Variants in UGGT1 observed in about 807,000 individuals in gnomAD.
UGGT1 encodes UDP-glucose:glycoprotein glucosyltransferase 1.
Under a neutral mutation model 203.9 loss-of-function variants are expected in UGGT1, and 107 were observed. The ratio of observed to expected loss-of-function variants is 0.52; its 90% CI spans 0.45 to 0.62. The LOEUF is 0.62. UGGT1 is among the 20% of genes least tolerant of loss of function. UGGT1 has a pLI of 0.00. For missense variants in UGGT1, 1,673 were observed against 1,867.2 expected (o/e 0.90, Z 1.92); for synonymous variants, 628 against 653.5 (o/e 0.96, Z 0.59).
intron 18 of UGGT1, among the ~76,000 whole-genome samples, chr2:128,151,632 G>A (rs559982886): frequency 4.7e-4 from 72 of 152,092 alleles, no homozygotes; most frequent in Non-Finnish European, 5.7e-4. Context: ...ACTTCAGGTC[G>A]GGCACGGTGA....
chr2:128,128,999 G>A (rs764996898), intron 12 of UGGT1, 30 bp from the exon 13 acceptor site: 10 of 1,488,234 alleles, frequency 6.7e-6, no homozygotes, highest in Non-Finnish European at 8.9e-6. Flanking sequence ...TTTTTTCCTA[G>A]TAAATATCTC....
intron 11 of UGGT1, among the ~76,000 whole-genome samples, chr2:128,126,512 G>A (rs1449467446): frequency 6.6e-6 from 1 of 152,034 alleles, no homozygotes; most frequent in East Asian, 1.9e-4. Flanking sequence ...AAAGTGCTGG[G>A]ATTACAGGCA....
intron 25 of UGGT1, among the ~76,000 whole-genome samples, chr2:128,164,203 T>C (rs1290445067): frequency 6.6e-6 from 1 of 152,156 alleles, no homozygotes; most frequent in Non-Finnish European, 1.5e-5. Context: ...TATCACTGTA[T>C]TTATTAACCA....
At chr2:128,096,388 TC>T (rs1687117616) in intron 1 of UGGT1, among the ~76,000 whole-genome samples, 1 of 152,234 alleles carries the variant, frequency 6.6e-6, no homozygotes, top group Admixed American at 6.5e-5. Flanking sequence ...GTGCTAGAAA[TC>T]CTTACTCAGG....
intron 17 of UGGT1, among the ~76,000 whole-genome samples, chr2:128,145,048 C>A (rs150363972): frequency 2.6e-5 from 4 of 152,150 alleles, no homozygotes; most frequent in African/African-American, 9.7e-5. Context: ...GGCCAGTGAA[C>A]CTCTTTTGTC....
intron 39 of UGGT1, 74 bp from the exon 40 acceptor site, chr2:128,187,375 C>T: frequency 6.6e-6 from 10 of 1,523,546 alleles, no homozygotes; most frequent in South Asian, 1.3e-5. Context: ...GGACTTGTAA[C>T]CCAAGAACCT....
At position 128,176,901 on chromosome 2, in the gene UGGT1, G is replaced by A; in HGVS notation, c.3624+3G>A. ...AAAGCAAAATTATTAAAGTGAAGGT[G>A]AGTTTGGTAAAAGTAGTGGCATTCT... On this transcript the variant is annotated splice_donor_region_variant and intron_variant, in intron 32 of 40. Transcript: ENST00000259253. 6.2e-7 allele frequency: 1 copy of A among 1,613,596 alleles called. No homozygotes were observed. The highest frequency in any genetic ancestry group is 8.5e-7 in the Non-Finnish European group (1 of 1,179,600).
intron 36 of UGGT1, 137 bp downstream of exon 36, chr2:128,181,209 A>G: frequency 1.3e-6 from 1 of 799,024 alleles, no homozygotes; most frequent in Non-Finnish European, 1.9e-6. Flanking sequence ...TGTATCACAT[A>G]GATGTCATCA....
intron 7 of UGGT1, 52 bp downstream of exon 7, chr2:128,115,272 G>A: frequency 1.3e-6 from 2 of 1,499,942 alleles, no homozygotes; most frequent in Non-Finnish European, 1.8e-6. Context: ...TGAGTTAAAG[G>A]GGAGTTTGTT....
intron 5 of UGGT1, among the ~76,000 whole-genome samples, chr2:128,112,256 A>G: frequency 6.6e-6 from 1 of 150,804 alleles, no homozygotes; most frequent in Non-Finnish European, 1.5e-5. Context: ...CACTGTCTCT[A>G]CTAAAAATAC....
At chr2:128,092,794 G>T (rs1043221654) in intron 1 of UGGT1, among the ~76,000 whole-genome samples, 8 of 151,938 alleles carry the variant, frequency 5.3e-5, no homozygotes, top group Non-Finnish European at 7.4e-5. Context: ...GGGCTCAGGT[G>T]GTCCTCCTAC....
Position 128,183,740 on chromosome 2 carries a change from A to G in UGGT1, c.4310A>G (p.Gln1437Arg). The change falls in exon 38 of 41, where the codon CAG becomes CGG. Residue 1437 changes from glutamine (Q) to arginine (R), a missense_variant. Around this residue, in one of 4 missense-constraint regions of UGGT1, gnomAD observed 513 missense variants for 684.1 expected, o/e 0.75. Coordinates refer to ENST00000259253, the MANE Select transcript of UGGT1 (RefSeq NM_020120.4). ...KIAAGDRLRGQYQGLSQDPNS... is the reference protein window; with the variant it reads ...KIAAGDRLRGRYQGLSQDPNS... ...GCTGCTGGTGACAGACTCAGGGGAC[A>G]GTACCAAGGTCTGAGTCAGGACCCT... 2 of 1,614,170 alleles carry G rather than the reference A, an allele frequency of 1.2e-6. No individual in the cohort carries two copies. Among genetic ancestry groups the G allele is most frequent in the Non-Finnish European group, 1.7e-6 (2 of 1,180,002 alleles).
chr2:128,111,714 C>G (rs7564147), intron 5 of UGGT1, among the ~76,000 whole-genome samples: 48,126 of 151,658 alleles, frequency 0.32, 9,400 homozygotes, highest in East Asian at 0.56. Flanking sequence ...CCAGGATAGT[C>G]TTGATCTCCT....
chr2:128,144,040 A>G (rs964022063), intron 17 of UGGT1, among the ~76,000 whole-genome samples: 1 of 152,186 alleles, frequency 6.6e-6, no homozygotes, highest in Non-Finnish European at 1.5e-5. Context: ...ATTAAAGTAG[A>G]AATTTTAAAC....
chr2:128,176,170 T>G (rs929000628), intron 31 of UGGT1, among the ~76,000 whole-genome samples: 22 of 152,176 alleles, frequency 1.4e-4, no homozygotes, highest in African/African-American at 5.3e-4. Flanking sequence ...TCCCAACACT[T>G]TGGGAGGCCG....
chr2:128,109,875 C>A, intron 5 of UGGT1, 129 bp downstream of exon 5: 1 of 671,018 alleles, frequency 1.5e-6, no homozygotes, highest in Non-Finnish European at 2.5e-6. Context: ...GCTTCTGGAA[C>A]CAGACTGACT....
At chr2:128,108,597 A>G (rs1034890391) in intron 4 of UGGT1, among the ~76,000 whole-genome samples, 2 of 152,194 alleles carry the variant, frequency 1.3e-5, no homozygotes, top group Non-Finnish European at 2.9e-5. Context: ...GTCTTCACCA[A>G]CTTGATATTT....
intron 13 of UGGT1, among the ~76,000 whole-genome samples, chr2:128,131,034 A>G (rs1310090450): frequency 6.6e-6 from 1 of 151,522 alleles, no homozygotes; most frequent in Non-Finnish European, 1.5e-5. Flanking sequence ...GGAGTTCGCG[A>G]CCAGCCTGGG....
intron 8 of UGGT1, among the ~76,000 whole-genome samples, chr2:128,119,644 A>T (rs977196182): frequency 2.6e-5 from 4 of 152,222 alleles, no homozygotes; most frequent in African/African-American, 9.6e-5. Flanking sequence ...CATGTAGGCT[A>T]AAGGAAACTC....
Sources: gnomAD v4.1 joint callset for allele counts (sites outside exome capture counted in the v4.1 genomes callset) on GRCh38, gnomAD v4.1.1 for gene constraint, gnomAD v4.1.1 regional missense constraint, MANE v1.5 for transcripts, NCBI Gene and HGNC (gene_info 2026-07-23, HGNC 2026-07-21) for gene names.